BCR: variants seen among roughly 807,000 people sequenced by gnomAD.
BCR encodes breakpoint cluster region protein.
In BCR, 58 loss-of-function variants were observed where a neutral mutation model predicts 138.6. The observed-to-expected ratio is 0.42, with a 90% CI of 0.34 to 0.52. BCR has a LOEUF of 0.52. Ranked by LOEUF, BCR falls within the 20% of genes least tolerant of loss-of-function variation. The pLI, the probability that BCR is intolerant of heterozygous loss-of-function variation, is 0.06. For missense variants in BCR, 1,599 were observed against 1,727.2 expected (o/e 0.93, Z 1.32); for synonymous variants, 786 against 730.1 (o/e 1.08, Z -1.23).
intron 9 of BCR, among the ~76,000 whole-genome samples, chr22:23,284,696 T>A (rs950771758): frequency 2.0e-5 from 3 of 152,208 alleles, no homozygotes; most frequent in African/African-American, 7.2e-5. Context: ...CCTCAAACTT[T>A]ACGGCCCTGG....
chr22:23,233,719 G>A (rs1430830005), intron 1 of BCR, among the ~76,000 whole-genome samples: 1 of 151,346 alleles, frequency 6.6e-6, no homozygotes, highest in East Asian at 1.9e-4. Context: ...GAACCCAGGA[G>A]TCGGGGGTTG....
intron 8 of BCR, among the ~76,000 whole-genome samples, chr22:23,282,261 C>G (rs1480596152): frequency 1.3e-5 from 2 of 152,228 alleles, no homozygotes; most frequent in Non-Finnish European, 2.9e-5. Flanking sequence ...TGATGTTTCT[C>G]CAGGTGCACA....
In BCR at chr22:23,273,631, C is replaced by T. The variant is rs368775826; in HGVS notation, c.1975-3C>T. The T allele has an allele frequency of 3.1e-6, 5 of 1,613,600 alleles. No homozygotes were observed. The highest frequency in any genetic ancestry group is 1.6e-4 in the Middle Eastern group (1 of 6,062). The stretch of plus-strand genomic sequence containing the variant: ...CTAACTCAAGTCTTTCTTCCTGGGG[C>T]AGGACTTGCTGAAGCACACTCCTGC... On this transcript the variant is annotated splice_polypyrimidine_tract_variant and splice_region_variant and intron_variant, in intron 7 of 22. Transcript: ENST00000305877.
intron 1 of BCR, among the ~76,000 whole-genome samples, chr22:23,187,010 A>G (rs1387352479): frequency 1.3e-5 from 2 of 152,240 alleles, no homozygotes; most frequent in Non-Finnish European, 1.5e-5. Flanking sequence ...TGCTGGGATT[A>G]TAGGCATGAG....
At position 23,253,817 on chromosome 22, in the gene BCR, C is replaced by T. The variant is rs766124888; in HGVS notation, c.1298C>T (p.Pro433Leu). 6.2e-7 allele frequency: 1 copy of T among 1,612,378 alleles called. No individual in the cohort carries two copies. The highest frequency in any genetic ancestry group is 1.1e-5 in the South Asian group (1 of 91,002). Residue 433 changes from proline to leucine, a missense_variant, in exon 2 of 23, where the codon CCA becomes CTA. Transcript: ENST00000305877. ...CACACAGATGGCTCGTTCGGAACAC[C>T]ACCTGGATACGGCTGCGCTGCAGAC... Reference protein sequence around the residue: ...HGDADGSFGTPPGYGCAADRA... With the variant: ...HGDADGSFGTLPGYGCAADRA...
chr22:23,185,609 T>C (rs1368013431), intron 1 of BCR, among the ~76,000 whole-genome samples: 1 of 150,422 alleles, frequency 6.6e-6, no homozygotes, highest in African/African-American at 2.4e-5. Context: ...GAGCTTGCAG[T>C]GAGCCGAGAT....
intron 1 of BCR, among the ~76,000 whole-genome samples, chr22:23,182,903 G>T (rs972213866): frequency 1.3e-5 from 2 of 152,154 alleles, no homozygotes; most frequent in African/African-American, 4.8e-5. Context: ...TTTATCTGGG[G>T]GTGAAGCAGA....
intron 16 of BCR, among the ~76,000 whole-genome samples, chr22:23,298,331 C>T (rs1449897601): frequency 6.6e-6 from 1 of 152,230 alleles, no homozygotes; most frequent in East Asian, 1.9e-4. Flanking sequence ...TCTGGCTAAA[C>T]GGACTTAGCA....
chr22:23,284,881 C>T (rs2073692742), intron 9 of BCR, 152 bp from the exon 10 acceptor site: 2 of 805,816 alleles, frequency 2.5e-6, no homozygotes, highest in Non-Finnish European at 3.8e-6. Context: ...CCAGTGGCCT[C>T]ATCCCAGTCT....
At chr22:23,262,279 G>C (rs1336606367) in intron 4 of BCR, among the ~76,000 whole-genome samples, 2 of 152,178 alleles carry the variant, frequency 1.3e-5, no homozygotes, top group Admixed American at 6.5e-5. Context: ...AGCACTTCTG[G>C]ACTACCGAGA....
intron 1 of BCR, among the ~76,000 whole-genome samples, chr22:23,249,357 G>A (rs943853912): frequency 1.5e-4 from 22 of 151,608 alleles, no homozygotes; most frequent in African/African-American, 5.1e-4. Context: ...GCGTGAACCC[G>A]GAAGGTGGAG....
intron 1 of BCR, among the ~76,000 whole-genome samples, chr22:23,202,768 C>T (rs2072571412): frequency 9.1e-6 from 1 of 109,918 alleles, no homozygotes; most frequent in Non-Finnish European, 1.8e-5. Context: ...TATATTTAAT[C>T]TATCATTCAT....
intron 8 of BCR, 100 bp downstream of exon 8, chr22:23,273,874 C>T: frequency 6.7e-7 from 1 of 1,500,414 alleles, no homozygotes; most frequent in Non-Finnish European, 9.1e-7. Context: ...TGGTCCTCAG[C>T]AGACCTTGCC....
chr22:23,181,617 G>A lies in BCR; in HGVS notation c.657G>A (p.Ala219=). The A allele has an allele frequency of 1.2e-6, 2 of 1,611,846 alleles. No individual in the cohort carries two copies. Among genetic ancestry groups the A allele is most frequent in the South Asian group, 1.1e-5 (1 of 91,076 alleles). Reference sequence around the variant, plus strand: ...AGCGCAAAAAGTCCCAGCACGGCGCGGGCTCGAGCGTGGGGGATGCATCCA... The same window carrying A: ...AGCGCAAAAAGTCCCAGCACGGCGCAGGCTCGAGCGTGGGGGATGCATCCA... ...QMERKKSQHG[A]GSSVGDASRP... The change falls in exon 1 of 23, where the codon GCG becomes GCA. Residue 219 remains alanine, a synonymous_variant. Coordinates refer to ENST00000305877, the MANE Select transcript of BCR (RefSeq NM_004327.4).
At chr22:23,218,244 G>C (rs2072780306) in intron 1 of BCR, among the ~76,000 whole-genome samples, 1 of 152,196 alleles carries the variant, frequency 6.6e-6, no homozygotes, top group Non-Finnish European at 1.5e-5. Flanking sequence ...TGAGCCCCCG[G>C]AGCTGGGTAA....
rs1434102941 is a variant in BCR, at chr22:23,290,179, G to C, written c.2708-160G>C. The C allele has an allele frequency of 1.1e-5, 8 of 719,816 alleles. No homozygotes were observed. In the Admixed American group the frequency reaches 1.6e-4, roughly 15 times the overall value. 44.6% of individuals were successfully genotyped at this position (719,816 alleles called of 1,614,324 possible). A position where few individuals can be genotyped will look rare whatever the true frequency, so the allele number is the denominator to read the frequency against. On this transcript the variant is annotated intron_variant, in intron 13 of 22. Coordinates refer to ENST00000305877, the MANE Select transcript of BCR (RefSeq NM_004327.4). ...CTGAGATCCCCAAGACAGAAATCAT[G>C]ATGAGTATGTTTTTGGCCCATGACA...
chr22:23,181,394 G>T lies in BCR; in HGVS notation c.434G>T (p.Arg145Leu). 1.3e-6 allele frequency: 2 copies of T among 1,557,206 alleles called. No individual in the cohort carries two copies. Among genetic ancestry groups the T allele is most frequent in the African/African-American group, 1.4e-5 (1 of 73,362 alleles). ...GAAASGERDD[R>L]GPPASVAALR... ...GCCGCGTCGGGGGAACGGGACGACCGGGGACCCCCCGCCAGCGTGGCGGCG... is the reference window on the plus strand; with the variant it reads ...GCCGCGTCGGGGGAACGGGACGACCTGGGACCCCCCGCCAGCGTGGCGGCG... The change falls in exon 1 of 23, where the codon CGG becomes CTG. Residue 145 changes from arginine (R) to leucine (L), a missense_variant. Physicochemically the swap from Arg to Leu is moderately radical, Grantham distance 102. Coordinates refer to ENST00000305877, the MANE Select transcript of BCR (RefSeq NM_004327.4).
chr22:23,286,545 A>G (rs969765438), intron 10 of BCR, among the ~76,000 whole-genome samples: 2 of 152,054 alleles, frequency 1.3e-5, no homozygotes, highest in African/African-American at 4.8e-5. Flanking sequence ...GCTGAGCCCT[A>G]TTGACTGTTA....
intron 1 of BCR, among the ~76,000 whole-genome samples, chr22:23,211,453 C>G (rs2146220224): frequency 1.3e-5 from 2 of 151,584 alleles, no homozygotes; most frequent in Admixed American, 1.3e-4. Context: ...CTGCCTTGGC[C>G]TCCTAAAGTG....
Sources: allele counts gnomAD v4.1 joint callset (sites outside exome capture counted in the v4.1 genomes callset), GRCh38; gene constraint gnomAD v4.1.1; transcripts MANE v1.5; gene names NCBI Gene and HGNC (gene_info 2026-07-23, HGNC 2026-07-21).